Variants in IFI27L1 observed in about 807,000 individuals in gnomAD.
IFI27L1 encodes the protein interferon alpha-inducible protein 27-like protein 1.
IFI27L1 carries 3 observed loss-of-function variants against 9.2 expected under a neutral mutation model. That is an observed-to-expected ratio of 0.32 (90% CI 0.15 to 0.84). The LOEUF is 0.84. Among genes scored for constraint, IFI27L1 ranks in the 40% least tolerant of loss-of-function variants. The pLI is 0.56. For synonymous variants in IFI27L1, 53 were observed against 50.0 expected, an observed-to-expected ratio of 1.06 and a Z score of -0.26; for missense variants, 133 against 134.2, an observed-to-expected ratio of 0.99 and a Z score of 0.05.
chr14:94,092,188 C>T (rs1567068917), intron 1 of IFI27L1, among the ~76,000 whole-genome samples: 1 of 151,186 alleles, frequency 6.6e-6, no homozygotes, highest in South Asian at 2.1e-4. Flanking sequence ...TCACCCTTTG[C>T]GTTAGTGTAC....
chr14:94,087,648 G>A (rs772152948), intron 1 of IFI27L1, among the ~76,000 whole-genome samples: 3 of 151,866 alleles, frequency 2.0e-5, no homozygotes, highest in South Asian at 2.1e-4. Flanking sequence ...GGATGGTCTC[G>A]ATCTCCTGAC....
intron 1 of IFI27L1, among the ~76,000 whole-genome samples, chr14:94,090,985 AT>A (rs1166778507): frequency 3.3e-5 from 5 of 152,164 alleles, no homozygotes; most frequent in East Asian, 1.9e-4. Context: ...CAAAATAAAA[AT>A]TTTTTTGGCT....
intron 1 of IFI27L1, among the ~76,000 whole-genome samples, chr14:94,087,239 A>G (rs1886311381): frequency 6.6e-6 from 1 of 152,224 alleles, no homozygotes; most frequent in Admixed American, 6.5e-5. Context: ...TTGGGCAGGT[A>G]GTTTCTGGGC....
intron 1 of IFI27L1, among the ~76,000 whole-genome samples, chr14:94,085,794 T>C (rs1886261656): frequency 6.6e-6 from 1 of 152,180 alleles, no homozygotes; most frequent in African/African-American, 2.4e-5. Context: ...GAAAATTCAT[T>C]CATCCCCATT....
intron 2 of IFI27L1, among the ~76,000 whole-genome samples, chr14:94,098,182 ATTTAC>A (rs1350709132): frequency 6.6e-6 from 1 of 152,174 alleles, no homozygotes; most frequent in Admixed American, 6.5e-5. Context: ...AACAACAGAA[ATTTAC>A]TTTCTCACCG....
intron 1 of IFI27L1, among the ~76,000 whole-genome samples, chr14:94,087,801 G>T (rs537607972): frequency 6.6e-6 from 1 of 151,948 alleles, no homozygotes; most frequent in Non-Finnish European, 1.5e-5. Flanking sequence ...TCAAAAACAC[G>T]GTGATCATCA....
rs149262373 is a variant in IFI27L1 at position 94,084,906 on chromosome 14, G to A, written c.-52+3457G>A. Among the ~76,000 whole-genome samples the A allele has an allele frequency of 8.1e-4, 123 of 152,188 alleles. 1 individual carries two copies. In the Middle Eastern group the frequency reaches 0.01, roughly 13 times the overall value. ...AAATTGGGTTTTTTTACATACAACCGAGTTTTTGCTTACACAGTTTTTAAT... is the reference window on the plus strand; with the variant it reads ...AAATTGGGTTTTTTTACATACAACCAAGTTTTTGCTTACACAGTTTTTAAT... On this transcript the variant is annotated intron_variant, in intron 1 of 4. Coordinates refer to ENST00000555523, the MANE Select transcript of IFI27L1 (RefSeq NM_206949.3).
intron 1 of IFI27L1, among the ~76,000 whole-genome samples, chr14:94,083,622 A>G (rs1326688294): frequency 3.3e-5 from 5 of 152,226 alleles, no homozygotes; most frequent in Admixed American, 1.3e-4. Flanking sequence ...AAAGAAAAGT[A>G]TATTATGGCA....
rs549660905 is a variant in IFI27L1, at chr14:94,084,803, A to G, written c.-52+3354A>G. 2.0e-5 allele frequency among the ~76,000 whole-genome samples: 3 copies of G among 152,308 alleles called. No individual in the cohort carries two copies. In the East Asian group the frequency reaches 5.8e-4, roughly 29 times the overall value. On this transcript the variant is annotated intron_variant, in intron 1 of 4. Transcript: ENST00000555523. The stretch of plus-strand genomic sequence containing the variant: ...TCTTCACAATGCCTGGGAAAGGGAG[A>G]GATAAGGCTCACTAGCCTCAGAAAG...
chr14:94,100,619 G>T, intron 2 of IFI27L1, 120 bp from the exon 3 acceptor site: 1 of 1,581,440 alleles, frequency 6.3e-7, no homozygotes, highest in Non-Finnish European at 8.5e-7. Flanking sequence ...GATGAGTAGG[G>T]GGCTTCAGAA....
chr14:94,101,919 T>G lies in IFI27L1; in HGVS notation c.167T>G (p.Ile56Ser). ...IAAKMMSTAA[I>S]ANGGGVAAGS... ...GCCAAGATGATGTCTACAGCAGCCA[T>G]TGCCAACGGGGGCGGAGTTGCTGCT... Residue 56 changes from isoleucine (I) to serine (S), a missense_variant, in exon 4 of 5, where the codon ATT (isoleucine) becomes AGT (serine). Ile to Ser is a moderately radical substitution (Grantham distance 142). Transcript: ENST00000555523. 6.2e-7 allele frequency: 1 copy of G among 1,614,232 alleles called. No individual in the cohort carries two copies. The highest frequency in any genetic ancestry group is 8.5e-7 in the Non-Finnish European group (1 of 1,180,036).
intron 2 of IFI27L1, among the ~76,000 whole-genome samples, chr14:94,097,885 G>A (rs1340270317): frequency 6.6e-6 from 1 of 152,108 alleles, no homozygotes; most frequent in East Asian, 1.9e-4. Context: ...GATACCCAAG[G>A]GACATGTTAA....
At chr14:94,085,361 G>A (rs1054375486) in intron 1 of IFI27L1, among the ~76,000 whole-genome samples, 1 of 152,174 alleles carries the variant, frequency 6.6e-6, no homozygotes, top group Non-Finnish European at 1.5e-5. Context: ...TCTGTAAAAT[G>A]AGAATAATAT....
At chr14:94,100,793 C>T (rs1886866154) in intron 3 of IFI27L1, 22 bp downstream of exon 3, 1 of 1,613,138 alleles carries the variant, frequency 6.2e-7, no homozygotes, top group Non-Finnish European at 8.5e-7. Flanking sequence ...TGGGAAGGAA[C>T]TCAAGCCCCC....
At chr14:94,086,860 T>A (rs1886297366) in intron 1 of IFI27L1, among the ~76,000 whole-genome samples, 1 of 152,234 alleles carries the variant, frequency 6.6e-6, no homozygotes, top group African/African-American at 2.4e-5. Context: ...TAGCTACATA[T>A]AATTATTTAT....
At chr14:94,100,935 A>C in intron 3 of IFI27L1, 164 bp downstream of exon 3, 1 of 772,776 alleles carries the variant, frequency 1.3e-6, no homozygotes, top group Non-Finnish European at 2.2e-6. Flanking sequence ...CAGGAAGCAA[A>C]GCAAAGCCAT....
intron 2 of IFI27L1, among the ~76,000 whole-genome samples, chr14:94,098,804 T>C (rs748762): frequency 0.5 from 75,370 of 152,024 alleles, 20,130 homozygotes; most frequent in African/African-American, 0.71. Flanking sequence ...CACATCTTGA[T>C]GATTCACTCA....
At chr14:94,101,674 C>T (rs988148840) in intron 3 of IFI27L1, 140 bp from the exon 4 acceptor site, 3 of 755,184 alleles carry the variant, frequency 4.0e-6, no homozygotes, top group Admixed American at 5.3e-5. Flanking sequence ...CGTTGACTGC[C>T]CTTGTTTTGG....
At position 94,095,993 on chromosome 14, in the gene IFI27L1, C is replaced by T. The variant is rs901958668; in HGVS notation, c.-51-894C>T. Among the ~76,000 whole-genome samples the T allele has an allele frequency of 4.6e-5, 7 of 152,048 alleles. No homozygotes were observed. In the South Asian group the frequency reaches 6.2e-4, roughly 14 times the overall value. On this transcript the variant is annotated intron_variant, in intron 1 of 4. Transcript: ENST00000555523. ...ATAAGTGGGGGTATAGTTGCTCAAGCGAGATTGGGAATGTGTGGCCAGGGA... is the reference window on the plus strand; with the variant it reads ...ATAAGTGGGGGTATAGTTGCTCAAGTGAGATTGGGAATGTGTGGCCAGGGA...
Sources: allele counts gnomAD v4.1 joint callset (sites outside exome capture counted in the v4.1 genomes callset), GRCh38; gene constraint gnomAD v4.1.1; transcripts MANE v1.5; gene names NCBI Gene and HGNC (gene_info 2026-07-23, HGNC 2026-07-21).